The following CNNM1 variants were observed in gnomAD, a reference collection of about 807,000 sequenced individuals.
CNNM1 encodes cyclin and CBS domain divalent metal cation transport mediator 1, also known as metal transporter CNNM1.
A neutral mutation model predicts 78.8 loss-of-function variants in CNNM1; 44 were observed. The observed-to-expected ratio is 0.56, with a 90% CI of 0.44 to 0.72. The LOEUF is 0.72. Ranked by LOEUF, CNNM1 falls within the 30% of genes least tolerant of loss-of-function variation. The pLI is 0.00. For missense variants in CNNM1, 1,101 were observed against 1,292.2 expected, an observed-to-expected ratio of 0.85 and a Z score of 2.27; for synonymous variants, 584 against 581.5, an observed-to-expected ratio of 1.00 and a Z score of -0.06.
chr10:99,343,354 T>C (rs4288699), intron 1 of CNNM1, among the ~76,000 whole-genome samples: 129,572 of 152,198 alleles, frequency 0.85, 55,384 homozygotes, highest in African/African-American at 0.91. Flanking sequence ...AAAGGCGTTA[T>C]GTTTATTTAT....
intron 1 of CNNM1, among the ~76,000 whole-genome samples, chr10:99,342,953 T>C (rs2030518550): frequency 6.6e-6 from 1 of 151,472 alleles, no homozygotes; most frequent in South Asian, 2.1e-4. Flanking sequence ...TAGTCCCATC[T>C]TTTTTTTTCT....
At chr10:99,340,761 T>TTC (rs368409740) in intron 1 of CNNM1, among the ~76,000 whole-genome samples, 1 of 147,668 alleles carries the variant, frequency 6.8e-6, no homozygotes, top group Non-Finnish European at 1.5e-5. Context: ...CTTTCTTTCT[T>TTC]TCTCTCTCTC....
In CNNM1 at chr10:99,391,492, C is replaced by T. The variant is rs201434355; in HGVS notation, c.2832C>T (p.Ser944=). Residue 944 remains serine, a synonymous_variant, in exon 11 of 11, where the codon TCC becomes TCT. Transcript: ENST00000356713. ...PEGERTSEDN[S]NLTPLIT is the part of the protein sequence containing the mutation. ...GAGAGAGAACCTCTGAGGACAACTCCAATTTAACACCTCTGATCACATGAC... is the reference window on the plus strand; with the variant it reads ...GAGAGAGAACCTCTGAGGACAACTCTAATTTAACACCTCTGATCACATGAC... The T allele has an allele frequency of 1.7e-4, 271 of 1,613,724 alleles. No individual in the cohort carries two copies. The highest frequency in any genetic ancestry group is 2.9e-5 in the Non-Finnish European group (34 of 1,179,796).
chr10:99,365,074 A>C, intron 6 of CNNM1, 72 bp downstream of exon 6: 1 of 1,523,140 alleles, frequency 6.6e-7, no homozygotes, highest in Non-Finnish European at 9.1e-7. Context: ...GGGGACCTGG[A>C]CCGAGCACTT....
At chr10:99,379,768 G>T (rs564448455) in intron 7 of CNNM1, among the ~76,000 whole-genome samples, 1 of 151,542 alleles carries the variant, frequency 6.6e-6, no homozygotes, top group Non-Finnish European at 1.5e-5. Context: ...CATGAGCCAC[G>T]GCACTCAGCC....
chr10:99,346,421 C>T (rs2030698777), intron 1 of CNNM1, among the ~76,000 whole-genome samples: 1 of 152,200 alleles, frequency 6.6e-6, no homozygotes, highest in South Asian at 2.1e-4. Flanking sequence ...TCTTCAGCAC[C>T]TGGCACAGTG....
At chr10:99,357,704 A>C in intron 2 of CNNM1, 49 bp downstream of exon 2, 1 of 1,506,378 alleles carries the variant, frequency 6.6e-7, no homozygotes. Context: ...ATTTTCCTCC[A>C]AGACTCTCAG....
rs1850581940 is a variant in CNNM1, at chr10:99,330,322, C to G, written c.935C>G (p.Thr312Ser). 12 of 1,597,092 alleles carry G rather than the reference C, an allele frequency of 7.5e-6. No homozygotes were observed. Among genetic ancestry groups the G allele is most frequent in the Admixed American group, 1.7e-5 (1 of 58,016 alleles). Residue 312 changes from threonine (T) to serine (S), a missense_variant, in exon 1 of 11, where the codon ACC (threonine) becomes AGC (serine). Physicochemically the swap from Thr to Ser is moderately conservative, Grantham distance 58. Around this residue, in one of 3 missense-constraint regions of CNNM1, gnomAD observed 476 missense variants for 484.5 expected, o/e 0.98. Coordinates refer to ENST00000356713, the MANE Select transcript of CNNM1 (RefSeq NM_020348.3). ...TCGCTGCCGCCGGGCTTCGGGGGCA[C>G]CGGGGAAGACTACAGCGAAGAGGGG... ...YTSLPPGFGGTGEDYSEEGIH... is the reference protein window; with the variant it reads ...YTSLPPGFGGSGEDYSEEGIH...
At chr10:99,361,802 A>T (rs1172559888) in intron 3 of CNNM1, among the ~76,000 whole-genome samples, 1 of 152,228 alleles carries the variant, frequency 6.6e-6, no homozygotes, top group Non-Finnish European at 1.5e-5. Flanking sequence ...CTTTAGTAAC[A>T]TGGGATTTCA....
Position 99,391,629 on chromosome 10 carries a change from C to T in CNNM1, c.*113C>T. ...CTCCCACAGGTGACAGAATGTTCTG[C>T]CTTCCCTTCCATCTCTTCACCCCTA... is the stretch of plus-strand genomic sequence containing the variant. On this transcript the variant is annotated 3_prime_UTR_variant, in exon 11 of 11. Coordinates refer to ENST00000356713, the MANE Select transcript of CNNM1 (RefSeq NM_020348.3). 2 of 852,974 alleles carry T rather than the reference C, an allele frequency of 2.3e-6. No individual in the cohort carries two copies. Among genetic ancestry groups the T allele is most frequent in the East Asian group, 2.6e-5 (1 of 38,104 alleles). 52.8% of individuals were successfully genotyped at this position (852,974 alleles called of 1,614,324 possible). A position where few individuals can be genotyped will look rare whatever the true frequency, so the allele number is the denominator to read the frequency against.
intron 1 of CNNM1, among the ~76,000 whole-genome samples, chr10:99,342,142 A>T (rs1254342370): frequency 1.3e-5 from 2 of 152,228 alleles, no homozygotes; most frequent in South Asian, 4.1e-4. Context: ...GTTGAGAATC[A>T]TGTGCCTGAT....
At position 99,362,560 on chromosome 10, in the gene CNNM1, G is replaced by A. The variant is rs75039534; in HGVS notation, c.2028+164G>A. Among the ~76,000 whole-genome samples the A allele has an allele frequency of 1.2e-4, 19 of 152,352 alleles. No individual in the cohort carries two copies. The East Asian group carries it at 1.9e-3, about 15-fold the overall frequency. On this transcript the variant is annotated intron_variant, in intron 4 of 10. Coordinates refer to ENST00000356713, the MANE Select transcript of CNNM1 (RefSeq NM_020348.3). ...CTTCATGACCCACAGGAGGGGCCTA[G>A]ACATGGAAGACTGGTGTCCTGGGAG...
rs5787335 is a variant in CNNM1 at position 99,348,038 on chromosome 10, G to GTGTGTA, written c.1574-9473_1574-9472insGTGTAT. Among the ~76,000 whole-genome samples, 373 of 116,546 alleles carry GTGTGTA rather than the reference G, an allele frequency of 3.2e-3. 3 individuals are homozygous for GTGTGTA. The highest frequency in any genetic ancestry group is 0.022 in the East Asian group (86 of 3,914). 76.5% of individuals were successfully genotyped at this position (116,546 alleles called of 152,430 possible). On this transcript the variant is annotated intron_variant, in intron 1 of 10. Transcript: ENST00000356713. The stretch of plus-strand genomic sequence containing the variant: ...ATATATGATGTGTGTGTGTGTGTGT[G>GTGTGTA]TATATATATATATTTTTTTTTTTTG...
In CNNM1 at chr10:99,330,615, C is replaced by T; in HGVS notation, c.1228C>T (p.Leu410=). ...GCGGGCCGCAGACCCCTACAGTGAC[C>T]TGGTGAAGGAGGAGCTCAACATCAT... ...TLRAADPYSD[L]VKEELNIIQG... Residue 410 remains leucine, a synonymous_variant, in exon 1 of 11, where the codon CTG becomes TTG. Transcript: ENST00000356713. 6.2e-7 allele frequency: 1 copy of T among 1,613,778 alleles called. No individual in the cohort carries two copies.
At chr10:99,372,934 A>C (rs994676611) in intron 6 of CNNM1, among the ~76,000 whole-genome samples, 2 of 152,198 alleles carry the variant, frequency 1.3e-5, no homozygotes, top group Non-Finnish European at 2.9e-5. Context: ...TTTTATAAAT[A>C]AACTTTCAAT....
At chr10:99,365,701 G>T (rs2031592720) in intron 6 of CNNM1, among the ~76,000 whole-genome samples, 1 of 152,154 alleles carries the variant, frequency 6.6e-6, no homozygotes, top group African/African-American at 2.4e-5. Context: ...TATTTCTCTA[G>T]ATTTCTTTCT....
At chr10:99,384,575 G>T (rs1406957787) in intron 7 of CNNM1, among the ~76,000 whole-genome samples, 1 of 151,784 alleles carries the variant, frequency 6.6e-6, no homozygotes, top group Non-Finnish European at 1.5e-5. Context: ...ACTGACAAGT[G>T]GTGGCTTAAC....
intron 5 of CNNM1, 63 bp from the exon 6 acceptor site, chr10:99,364,892 A>T: frequency 2.7e-6 from 4 of 1,500,672 alleles, no homozygotes; most frequent in East Asian, 4.6e-5. Flanking sequence ...AAGAGGGAAG[A>T]TTCCCATAAG....
chr10:99,389,733 G>A (rs756574139), intron 9 of CNNM1, among the ~76,000 whole-genome samples: 1 of 152,200 alleles, frequency 6.6e-6, no homozygotes, highest in Non-Finnish European at 1.5e-5. Flanking sequence ...TCAGAAGCAG[G>A]CTCAGCCTCA....
Sources: allele counts gnomAD v4.1 joint callset (sites outside exome capture counted in the v4.1 genomes callset), GRCh38; gene constraint gnomAD v4.1.1; regional missense constraint gnomAD v4.1.1; transcripts MANE v1.5; gene names NCBI Gene and HGNC (gene_info 2026-07-23, HGNC 2026-07-21).